Variants in CNTNAP4 observed in about 807,000 individuals in gnomAD.
CNTNAP4 encodes contactin-associated protein-like 4.
A neutral mutation model predicts 148.4 loss-of-function variants in CNTNAP4; 98 were observed. That is an observed-to-expected ratio of 0.66 (90% CI 0.56 to 0.78). The LOEUF is 0.78. CNTNAP4 is among the 30% of genes least tolerant of loss of function. The probability of loss-of-function intolerance (pLI) is 0.00; values close to 1 mark genes in which losing one functional copy is unlikely to be tolerated. For synonymous variants in CNTNAP4, 730 were observed against 565.1 expected (o/e 1.29, Z -4.14); for missense variants, 1,935 against 1,565.6 (o/e 1.24, Z -3.98).
intron 12 of CNTNAP4, among the ~76,000 whole-genome samples, chr16:76,482,710 G>A (rs1483261333): frequency 1.3e-5 from 2 of 152,090 alleles, no homozygotes; most frequent in Non-Finnish European, 2.9e-5. Flanking sequence ...CCAAACAAAT[G>A]GTGTTCCTGC....
intron 3 of CNTNAP4, among the ~76,000 whole-genome samples, chr16:76,388,562 A>G (rs975219810): frequency 1.3e-5 from 2 of 152,168 alleles, no homozygotes; most frequent in African/African-American, 4.8e-5. Context: ...AACAAACAAA[A>G]CTTAAGCTAT....
intron 13 of CNTNAP4, among the ~76,000 whole-genome samples, chr16:76,493,358 G>C (rs2082292681): frequency 1.3e-5 from 2 of 152,126 alleles, no homozygotes; most frequent in African/African-American, 4.8e-5. Context: ...CAATGGGAAT[G>C]CTCAAGTCAT....
chr16:76,481,950 A>G (rs1308464877), intron 12 of CNTNAP4, among the ~76,000 whole-genome samples: 1 of 151,980 alleles, frequency 6.6e-6, no homozygotes, highest in Middle Eastern at 3.2e-3. Context: ...CAATGTTGTA[A>G]GACCTTTGGT....
rs140803884 is a variant in CNTNAP4, at chr16:76,535,052, T to C, written c.2756-493T>C. ...AATAATCTGACATTCAATTACCATC[T>C]TTTCAATGAATGGATAACAACCAAA... On this transcript the variant is annotated intron_variant, in intron 17 of 23. Transcript: ENST00000611870. 2.6e-3 allele frequency among the ~76,000 whole-genome samples: 391 copies of C among 152,324 alleles called. 3 individuals are homozygous for C. Among genetic ancestry groups the C allele is most frequent in the African/African-American group, 9.0e-3 (375 of 41,564 alleles).
Position 76,479,428 on chromosome 16 carries a change from A to C in CNTNAP4, c.1772A>C (p.Glu591Ala). ...RGATCHNSIY[E>A]QSCEAYKHRG... ...ATTTTTTTTCTTAAAGCTATCTATGAGCAGTCATGTGAAGCCTATAAGCAC... is the reference window on the plus strand; with the variant it reads ...ATTTTTTTTCTTAAAGCTATCTATGCGCAGTCATGTGAAGCCTATAAGCAC... Residue 591 changes from glutamate (E) to alanine (A), a missense_variant, in exon 12 of 24, where the codon GAG becomes GCG. Transcript: ENST00000611870. The C allele has an allele frequency of 6.3e-7, 1 of 1,597,066 alleles. No homozygotes were observed. The highest frequency in any genetic ancestry group is 2.3e-5 in the East Asian group (1 of 44,266).
At chr16:76,495,172 G>T in intron 14 of CNTNAP4, 106 bp downstream of exon 14, 1 of 1,183,578 alleles carries the variant, frequency 8.4e-7, no homozygotes, top group Non-Finnish European at 1.2e-6. Context: ...GTGCAATGAA[G>T]TAATTAAATA....
intron 15 of CNTNAP4, among the ~76,000 whole-genome samples, chr16:76,503,137 C>T (rs1300523744): frequency 1.3e-5 from 2 of 152,170 alleles, no homozygotes; most frequent in Non-Finnish European, 2.9e-5. Context: ...CTGTGAAAAT[C>T]TGATAGCTAA....
At chr16:76,331,609 A>G (rs1963532817) in intron 2 of CNTNAP4, among the ~76,000 whole-genome samples, 1 of 151,362 alleles carries the variant, frequency 6.6e-6, no homozygotes, top group Admixed American at 6.6e-5. Context: ...GTATACAAAA[A>G]CCTCTACTTT....
At chr16:76,346,735 G>A (rs1048818743) in intron 2 of CNTNAP4, among the ~76,000 whole-genome samples, 1 of 152,128 alleles carries the variant, frequency 6.6e-6, no homozygotes, top group African/African-American at 2.4e-5. Flanking sequence ...CACAGAATTT[G>A]GCATATTTGT....
rs1461659275 is a variant in CNTNAP4 at position 76,506,322 on chromosome 16, CA to C, written c.2365+7629del. On this transcript the variant is annotated intron_variant, in intron 15 of 23. Transcript: ENST00000611870. ...ACTCCTTATCCCAGAGACTGTGATT[CA>C]GGGGGTGTGGGGGTAGGAGAATCTT... Among the ~76,000 whole-genome samples, 2 of 94,006 alleles carry C rather than the reference CA, an allele frequency of 2.1e-5. 1 individual carries two copies. 61.7% of individuals were successfully genotyped at this position (94,006 alleles called of 152,430 possible). A position where few individuals can be genotyped will look rare whatever the true frequency, so the allele number is the denominator to read the frequency against.
At chr16:76,524,827 A>G (rs2083644981) in intron 17 of CNTNAP4, among the ~76,000 whole-genome samples, 1 of 152,142 alleles carries the variant, frequency 6.6e-6, no homozygotes, top group Non-Finnish European at 1.5e-5. Flanking sequence ...AAAAAAGATG[A>G]GGCAACATAA....
intron 3 of CNTNAP4, among the ~76,000 whole-genome samples, chr16:76,398,583 T>A (rs1403175118): frequency 1.3e-5 from 2 of 152,054 alleles, no homozygotes; most frequent in African/African-American, 2.4e-5. Flanking sequence ...GGAGACACAT[T>A]CACTAGGTAG....
At chr16:76,522,714 T>C in intron 17 of CNTNAP4, among the ~76,000 whole-genome samples, 2 of 39,952 alleles carry the variant, frequency 5.0e-5, no homozygotes, top group African/African-American at 2.3e-4. Context: ...TTCTTTTCTT[T>C]TCTTTTCTTT....
intron 2 of CNTNAP4, among the ~76,000 whole-genome samples, chr16:76,336,424 C>T (rs576968859): frequency 2.0e-5 from 3 of 152,254 alleles, no homozygotes; most frequent in Admixed American, 1.3e-4. Flanking sequence ...TTGACAAATA[C>T]TACAAAGCAA....
rs1012044139 is a variant in CNTNAP4, at chr16:76,502,809, T to TA, written c.2365+4117dup. On this transcript the variant is annotated intron_variant, in intron 15 of 23. Transcript: ENST00000611870. ...ACAGGAGATTAACACTTTTTTTTTT[T>TA]AACAGAAAAAAAAGTGAGAATGAAA... Among the ~76,000 whole-genome samples the TA allele has an allele frequency of 3.3e-4, 50 of 151,960 alleles. 1 individual carries two copies. The highest frequency in any genetic ancestry group is 9.9e-4 in the African/African-American group (41 of 41,438).
rs1042634350 is a variant in CNTNAP4, at chr16:76,552,199, C to A, written c.3443-1084C>A. Among the ~76,000 whole-genome samples the A allele has an allele frequency of 1.7e-4, 26 of 152,278 alleles. No individual in the cohort carries two copies. In the East Asian group the frequency reaches 4.8e-3, roughly 28 times the overall value. On this transcript the variant is annotated intron_variant, in intron 21 of 23. Coordinates refer to ENST00000611870, the MANE Select transcript of CNTNAP4 (RefSeq NM_033401.5). Reference sequence around the variant, plus strand: ...AAAACTATCACATCTCATGAGAACTCACTCACTATCACAATAACAGCATGG... The same window carrying A: ...AAAACTATCACATCTCATGAGAACTAACTCACTATCACAATAACAGCATGG...
Position 76,489,840 on chromosome 16 carries a change from G to T in CNTNAP4, c.2037G>T (p.Glu679Asp). ...ACCGTGCAGAGCACTGTGAACAGGA[G>T]TTTACTTATTACTGCAAGAAGTCAC... ...TINRAEHCEQ[E>D]FTYYCKKSRL... The change falls in exon 13 of 24, where the codon GAG becomes GAT. Residue 679 changes from glutamate (E) to aspartate (D), a missense_variant. Transcript: ENST00000611870. 1.3e-6 allele frequency: 2 copies of T among 1,593,518 alleles called. No individual in the cohort carries two copies. Among genetic ancestry groups the T allele is most frequent in the Non-Finnish European group, 1.7e-6 (2 of 1,167,166 alleles).
chr16:76,523,072 C>A (rs2083556935), intron 17 of CNTNAP4, among the ~76,000 whole-genome samples: 1 of 151,906 alleles, frequency 6.6e-6, no homozygotes, highest in Admixed American at 6.6e-5. Context: ...GCCTTACCTG[C>A]TTTCTTAATA....
At chr16:76,532,859 T>G (rs2084045581) in intron 17 of CNTNAP4, among the ~76,000 whole-genome samples, 1 of 151,976 alleles carries the variant, frequency 6.6e-6, no homozygotes, top group Non-Finnish European at 1.5e-5. Flanking sequence ...GATAAAGAAG[T>G]AGCAGCTCTG....
Sources: allele counts gnomAD v4.1 joint callset (sites outside exome capture counted in the v4.1 genomes callset), GRCh38; gene constraint gnomAD v4.1.1; transcripts MANE v1.5; gene names NCBI Gene and HGNC (gene_info 2026-07-23, HGNC 2026-07-21).